Variants in PIKFYVE observed in about 807,000 individuals in gnomAD.
PIKFYVE encodes 1-phosphatidylinositol 3-phosphate 5-kinase.
A neutral mutation model predicts 257.9 loss-of-function variants in PIKFYVE; 122 were observed. That is an observed-to-expected ratio of 0.47 (90% CI 0.41 to 0.55). The LOEUF (loss-of-function observed/expected upper bound fraction) is 0.55. Among genes scored for constraint, PIKFYVE ranks in the 20% least tolerant of loss-of-function variants. The pLI is 0.00. For synonymous variants in PIKFYVE, 892 were observed against 868.9 expected, an observed-to-expected ratio of 1.03 and a Z score of -0.47; for missense variants, 2,160 against 2,536.6, an observed-to-expected ratio of 0.85 and a Z score of 3.19.
chr2:208,315,467 C>T (rs1440597003), intron 15 of PIKFYVE, 94 bp downstream of exon 15: 5 of 1,438,580 alleles, frequency 3.5e-6, no homozygotes, highest in Admixed American at 3.6e-5. Flanking sequence ...AGAGTCATTA[C>T]CCTGAGGGGT....
chr2:208,314,169 C>T lies in PIKFYVE; in HGVS notation c.1697-125C>T. The T allele has an allele frequency of 3.7e-6, 4 of 1,075,116 alleles. No individual in the cohort carries two copies. The South Asian group carries it at 4.4e-5, about 12-fold the overall frequency. 66.6% of individuals were successfully genotyped at this position (1,075,116 alleles called of 1,614,324 possible). ...TTTATTACATGTTCTTGCCTTTTTA[C>T]ACCAATAATTTATGTTGGCTAACTT... is the stretch of plus-strand genomic sequence containing the variant. On this transcript the variant is annotated intron_variant, in intron 13 of 41. Coordinates refer to ENST00000264380, the MANE Select transcript of PIKFYVE (RefSeq NM_015040.4).
intron 24 of PIKFYVE, chr2:208,334,288 T>C (rs1294947612): frequency 6.6e-6 from 1 of 152,456 alleles, no homozygotes; most frequent in Non-Finnish European, 1.5e-5. Context: ...GTCAGAGTGG[T>C]TCTGTTAAGG....
intron 5 of PIKFYVE, among the ~76,000 whole-genome samples, chr2:208,280,749 T>G (rs1690698179): frequency 6.6e-6 from 1 of 152,226 alleles, no homozygotes; most frequent in African/African-American, 2.4e-5. Flanking sequence ...AAGTTGGACT[T>G]ACAGCTACTT....
chr2:208,351,464 C>A lies in PIKFYVE; in HGVS notation c.5715+9C>A. The A allele has an allele frequency of 6.3e-7, 1 of 1,588,992 alleles. No individual in the cohort carries two copies. Among genetic ancestry groups the A allele is most frequent in the African/African-American group, 1.3e-5 (1 of 74,484 alleles). ...ATGCTGTTCAACAAAAGGTAGAAAT[C>A]TAAAACCATGGTCTGTAATCAAAGT... On this transcript the variant is annotated intron_variant, in intron 38 of 41. Coordinates refer to ENST00000264380, the MANE Select transcript of PIKFYVE (RefSeq NM_015040.4).
At chr2:208,321,899 A>C (rs531546305) in intron 17 of PIKFYVE, among the ~76,000 whole-genome samples, 5 of 152,286 alleles carry the variant, frequency 3.3e-5, no homozygotes, top group African/African-American at 9.6e-5. Flanking sequence ...AGCCTTTGTG[A>C]TAAAATTCTA....
chr2:208,343,977 C>T (rs149180264), intron 32 of PIKFYVE, among the ~76,000 whole-genome samples: 18 of 151,924 alleles, frequency 1.2e-4, no homozygotes, highest in East Asian at 7.8e-4. Flanking sequence ...CCACCATGCC[C>T]GGCTAATTTT....
chr2:208,341,475 A>G (rs1035187096), intron 31 of PIKFYVE, among the ~76,000 whole-genome samples: 2 of 152,008 alleles, frequency 1.3e-5, no homozygotes, highest in Non-Finnish European at 2.9e-5. Context: ...ATATGCTCTT[A>G]TGATTCCTGT....
In PIKFYVE at chr2:208,329,814, T is replaced by C. The variant is rs534843738; in HGVS notation, c.3720-28T>C. ...TGTCTCTGGGGCATGGTAATTCTTATGTTTCTAAGAGGTGGTCTCTTCTTT... is the reference window on the plus strand; with the variant it reads ...TGTCTCTGGGGCATGGTAATTCTTACGTTTCTAAGAGGTGGTCTCTTCTTT... On this transcript the variant is annotated intron_variant, in intron 21 of 41. Coordinates refer to ENST00000264380, the MANE Select transcript of PIKFYVE (RefSeq NM_015040.4). 3.6e-5 allele frequency: 58 copies of C among 1,608,784 alleles called. 1 individual carries two copies. Among genetic ancestry groups the C allele is most frequent in the Admixed American group, 1.8e-4 (11 of 59,768 alleles).
At position 208,344,181 on chromosome 2, in the gene PIKFYVE, A is replaced by G. The variant is rs115393674; in HGVS notation, c.5028-930A>G. ...TTTAAATAGAATCTAAGATGTTTAA[A>G]GCAATTTTTTCCCACTGGAAGGCAT... is the stretch of plus-strand genomic sequence containing the variant. On this transcript the variant is annotated intron_variant, in intron 32 of 41. Coordinates refer to ENST00000264380, the MANE Select transcript of PIKFYVE (RefSeq NM_015040.4). 4.3e-3 allele frequency among the ~76,000 whole-genome samples: 662 copies of G among 152,274 alleles called. 7 individuals are homozygous for G. Among genetic ancestry groups the G allele is most frequent in the African/African-American group, 0.015 (631 of 41,540 alleles).
chr2:208,271,492 T>G lies in PIKFYVE; in HGVS notation c.-9-19T>G, dbSNP rs541154932. ...TTCCTGAGGAATTTAGATTTTTGCTTGTTTCTTTTGTTTTTCAGACTCATG... is the reference window on the plus strand; with the variant it reads ...TTCCTGAGGAATTTAGATTTTTGCTGGTTTCTTTTGTTTTTCAGACTCATG... On this transcript the variant is annotated intron_variant, in intron 1 of 41. Coordinates refer to ENST00000264380, the MANE Select transcript of PIKFYVE (RefSeq NM_015040.4). 1 of 1,613,388 alleles carries G rather than the reference T, an allele frequency of 6.2e-7. No homozygotes were observed. The highest frequency in any genetic ancestry group is 1.3e-5 in the African/African-American group (1 of 75,028).
At position 208,330,667 on chromosome 2, in the gene PIKFYVE, A is replaced by G. The variant is rs767932394; in HGVS notation, c.3936A>G (p.Thr1312=). Residue 1312 remains threonine, a synonymous_variant, in exon 23 of 42, where the codon ACA becomes ACG. Coordinates refer to ENST00000264380, the MANE Select transcript of PIKFYVE (RefSeq NM_015040.4). ...PVPGYQHTIL[T]YSWCRICKQV... ...CTGGATATCAGCATACAATTCTTAC[A>G]TATTCCTGGTGTAGAATCTGCAAAC... The G allele has an allele frequency of 1.2e-6, 2 of 1,613,938 alleles. No individual in the cohort carries two copies. The highest frequency in any genetic ancestry group is 1.7e-6 in the Non-Finnish European group (2 of 1,179,928).
intron 1 of PIKFYVE, among the ~76,000 whole-genome samples, chr2:208,267,028 T>G (rs1574361595): frequency 6.6e-6 from 1 of 152,182 alleles, no homozygotes; most frequent in South Asian, 2.1e-4. Context: ...GACTTAGGGG[T>G]TTTCTGCCCA....
At position 208,325,500 on chromosome 2, in the gene PIKFYVE, G is replaced by C. The variant is rs773194139; in HGVS notation, c.2689G>C (p.Gly897Arg). ...ATTCCATTCCCTGATTGAGGGACGA[G>C]GGCATGAGGGGGCTGTCCAAGAGCA... ...PSFHSLIEGRGHEGAVQEQYG... is the reference protein window; with the variant it reads ...PSFHSLIEGRRHEGAVQEQYG... Residue 897 changes from glycine (G) to arginine (R), a missense_variant, in exon 20 of 42, where the codon GGG becomes CGG. Physicochemically the swap from Gly to Arg is moderately radical, Grantham distance 125 (BLOSUM62 -2). Transcript: ENST00000264380. 23 of 1,614,144 alleles carry C rather than the reference G, an allele frequency of 1.4e-5. No homozygotes were observed. The highest frequency in any genetic ancestry group is 1.7e-5 in the Non-Finnish European group (20 of 1,180,026).
chr2:208,345,413 C>G (rs766141851), intron 33 of PIKFYVE, among the ~76,000 whole-genome samples: 3 of 151,814 alleles, frequency 2.0e-5, no homozygotes, highest in African/African-American at 4.8e-5. Context: ...ATTGCAATAG[C>G]AGTTAAATGT....
intron 30 of PIKFYVE, 88 bp downstream of exon 30, chr2:208,339,643 T>C: frequency 2.0e-6 from 3 of 1,493,708 alleles, no homozygotes; most frequent in Admixed American, 3.7e-5. Context: ...GCCATTTCTC[T>C]AAGGACAGAT....
intron 3 of PIKFYVE, among the ~76,000 whole-genome samples, chr2:208,276,314 C>T (rs1350244977): frequency 6.6e-6 from 1 of 152,176 alleles, no homozygotes; most frequent in Non-Finnish European, 1.5e-5. Flanking sequence ...ACTTTAGAGA[C>T]CAAGCTAAGT....
rs149384342 is a variant in PIKFYVE, at chr2:208,315,350, C to G, written c.1984C>G (p.Arg662Gly). ...GAACCAGGATGATGACATGGATATC[C>G]GTCAGTTTGTCCACATCAAAAAAGT... ...VKNQDDDMDI[R>G]QFVHIKKIPG... The change falls in exon 15 of 42, where the codon CGT becomes GGT. Residue 662 changes from arginine (R) to glycine (G), a missense_variant. This residue lies in a region of PIKFYVE where 346 missense variants were observed against 365.6 expected (regional missense o/e 0.95). Transcript: ENST00000264380. 6.8e-6 allele frequency: 11 copies of G among 1,614,076 alleles called. No homozygotes were observed. The Admixed American group carries it at 1.8e-4, about 27-fold the overall frequency.
chr2:208,298,392 A>G (rs1407877443), intron 7 of PIKFYVE, among the ~76,000 whole-genome samples: 5 of 152,138 alleles, frequency 3.3e-5, no homozygotes, highest in African/African-American at 4.8e-5. Flanking sequence ...ATTTCCAAGT[A>G]ATTTTAGACA....
intron 21 of PIKFYVE, among the ~76,000 whole-genome samples, chr2:208,328,645 A>C (rs1041533918): frequency 6.6e-6 from 1 of 152,340 alleles, no homozygotes; most frequent in Admixed American, 6.5e-5. Context: ...GATGGGACCC[A>C]AGTCTAAACA....
Sources: allele counts gnomAD v4.1 joint callset (sites outside exome capture counted in the v4.1 genomes callset), GRCh38; gene constraint gnomAD v4.1.1; regional missense constraint gnomAD v4.1.1; transcripts MANE v1.5; gene names NCBI Gene and HGNC (gene_info 2026-07-23, HGNC 2026-07-21).